Variants in RIMS1 observed in about 807,000 individuals in gnomAD.
RIMS1 encodes the protein regulating synaptic membrane exocytosis protein 1.
Under a neutral mutation model 214.1 loss-of-function variants are expected in RIMS1, and 83 were observed. The ratio of observed to expected loss-of-function variants is 0.39; its 90% CI spans 0.32 to 0.47. The LOEUF is 0.47. Among genes scored for constraint, RIMS1 ranks in the 20% least tolerant of loss-of-function variants. The pLI is 0.99. For synonymous variants in RIMS1, 793 were observed against 786.8 expected (o/e 1.01, Z -0.13); for missense variants, 2,050 against 2,161.8 (o/e 0.95, Z 1.03).
At chr6:72,130,271 G>C (rs1469789370) in intron 4 of RIMS1, among the ~76,000 whole-genome samples, 1 of 152,028 alleles carries the variant, frequency 6.6e-6, no homozygotes, top group African/African-American at 2.4e-5. Context: ...TGTGGTGTAA[G>C]CCATTCCCAG....
rs954313424 is a variant in RIMS1 at position 72,333,706 on chromosome 6, G to A, written c.4237G>A (p.Gly1413Ser). 6 of 1,595,782 alleles carry A rather than the reference G, an allele frequency of 3.8e-6. No homozygotes were observed. The highest frequency in any genetic ancestry group is 2.3e-5 in the East Asian group (1 of 43,828). ...GATGTACACACTGGAGCATAATGACGGCAGCCAGTCAGACACAGCTGTGGG... is the reference window on the plus strand; with the variant it reads ...GATGTACACACTGGAGCATAATGACAGCAGCCAGTCAGACACAGCTGTGGG... ...GEMYTLEHND[G>S]SQSDTAVGTV... The change falls in exon 29 of 34, where the codon GGC (glycine) becomes AGC (serine). Residue 1413 changes from glycine (G) to serine (S), a missense_variant. Physicochemically the swap from Gly to Ser is moderately conservative, Grantham distance 56. Around this residue, in one of 6 missense-constraint regions of RIMS1, gnomAD observed 889 missense variants for 885.5 expected, o/e 1.00. Coordinates refer to ENST00000521978, the MANE Select transcript of RIMS1 (RefSeq NM_014989.7).
rs116104410 is a variant in RIMS1, at chr6:72,229,604, A to G, written c.1679-4169A>G. On this transcript the variant is annotated intron_variant, in intron 6 of 33. Coordinates refer to ENST00000521978, the MANE Select transcript of RIMS1 (RefSeq NM_014989.7). ...TATTTATCCCAAAGTTAGCTCCTCT[A>G]TTATGTATAATTTAGGGTAAGTGGA... 5.7e-3 allele frequency among the ~76,000 whole-genome samples: 863 copies of G among 151,882 alleles called. 7 individuals carry two copies. The highest frequency in any genetic ancestry group is 0.02 in the Middle Eastern group (6 of 294).
chr6:71,943,469 A>T (rs1786814064), intron 1 of RIMS1, among the ~76,000 whole-genome samples: 1 of 152,168 alleles, frequency 6.6e-6, no homozygotes, highest in South Asian at 2.1e-4. Flanking sequence ...TTCAACATGG[A>T]TGAGGAACCA....
chr6:71,902,446 A>G (rs903281560), intron 1 of RIMS1, among the ~76,000 whole-genome samples: 1 of 152,108 alleles, frequency 6.6e-6, no homozygotes, highest in East Asian at 1.9e-4. Flanking sequence ...ATGAGACACA[A>G]AAAGAAGAGT....
intron 1 of RIMS1, among the ~76,000 whole-genome samples, chr6:71,944,505 A>C (rs1370155908): frequency 1.3e-5 from 2 of 152,134 alleles, no homozygotes; most frequent in Non-Finnish European, 2.9e-5. Flanking sequence ...GTTGAGGAAG[A>C]TGGAGTAATA....
At chr6:72,359,238 G>T (rs1172736789) in intron 29 of RIMS1, among the ~76,000 whole-genome samples, 1 of 152,168 alleles carries the variant, frequency 6.6e-6, no homozygotes, top group Non-Finnish European at 1.5e-5. Context: ...TCTCCAGAAA[G>T]AATTCTTTAT....
chr6:72,153,412 C>T (rs1354580520), intron 4 of RIMS1, among the ~76,000 whole-genome samples: 2 of 151,782 alleles, frequency 1.3e-5, no homozygotes, highest in Admixed American at 6.6e-5. Context: ...ATATTTTAAA[C>T]CTTAAACAAT....
rs1484352047 is a variant in RIMS1 at position 72,251,269 on chromosome 6, C to T, written c.2599C>T (p.Leu867Phe). The T allele has an allele frequency of 1.3e-6, 2 of 1,598,608 alleles. No individual in the cohort carries two copies. Among genetic ancestry groups the T allele is most frequent in the African/African-American group, 2.7e-5 (2 of 74,680 alleles). The change falls in exon 15 of 34, where the codon CTT becomes TTT. Residue 867 changes from leucine (L) to phenylalanine (F), a missense_variant. By Grantham distance (22) the Leu-to-Phe change is conservative. This residue lies in a region of RIMS1 where 889 missense variants were observed against 885.5 expected (regional missense o/e 1.00). Coordinates refer to ENST00000521978, the MANE Select transcript of RIMS1 (RefSeq NM_014989.7). ...AGATGATGAACCGCATTGGTATAAA[C>T]TTCAGACACATGATGAGTCTTCACT... The part of the protein sequence containing the change: ...LLDDEPHWYK[L>F]QTHDESSLPL...
intron 1 of RIMS1, among the ~76,000 whole-genome samples, chr6:71,896,193 T>C (rs182015314): frequency 1.2e-3 from 190 of 152,340 alleles, no homozygotes; most frequent in African/African-American, 4.3e-3. Flanking sequence ...TTATTCATGA[T>C]TGTGACAGTT....
At chr6:72,360,647 G>T (rs1289769950) in intron 29 of RIMS1, among the ~76,000 whole-genome samples, 1 of 150,554 alleles carries the variant, frequency 6.6e-6, no homozygotes. Flanking sequence ...ACATGTATAT[G>T]TGTGTATATG....
intron 29 of RIMS1, among the ~76,000 whole-genome samples, chr6:72,367,041 A>G (rs1564573046): frequency 6.6e-6 from 1 of 152,200 alleles, no homozygotes; most frequent in Non-Finnish European, 1.5e-5. Flanking sequence ...ATTAAATGAA[A>G]ATGAAAAAAC....
At chr6:72,394,004 G>A (rs1192599861) in intron 31 of RIMS1, among the ~76,000 whole-genome samples, 1 of 145,944 alleles carries the variant, frequency 6.9e-6, no homozygotes, top group Admixed American at 6.9e-5. Flanking sequence ...CGAACTAAAC[G>A]ACTTTTCAAA....
intron 6 of RIMS1, among the ~76,000 whole-genome samples, chr6:72,198,342 C>G (rs866486672): frequency 6.7e-6 from 1 of 149,136 alleles, no homozygotes; most frequent in African/African-American, 2.6e-5. Flanking sequence ...TAATAATCAT[C>G]ATCATCATCT....
At position 72,388,290 on chromosome 6, in the gene RIMS1, T is replaced by TA. The variant is rs2098646308; in HGVS notation, c.4367-2302dup. 3.3e-5 allele frequency among the ~76,000 whole-genome samples: 5 copies of TA among 151,872 alleles called. No homozygotes were observed. The East Asian group carries it at 9.7e-4, about 29-fold the overall frequency. The stretch of plus-strand genomic sequence containing the variant: ...GAAAGTCAGAAGAGACAAACAGAAG[T>TA]AAAAAAGGCCCAGAAGCAGCATGCT... On this transcript the variant is annotated intron_variant, in intron 29 of 33. Transcript: ENST00000521978.
intron 6 of RIMS1, among the ~76,000 whole-genome samples, chr6:72,194,252 A>G (rs72942727): frequency 0.18 from 27,732 of 152,130 alleles, 3,075 homozygotes; most frequent in Non-Finnish European, 0.25. Flanking sequence ...AAAGAATAGT[A>G]TGTCATTTTT....
chr6:72,174,115 G>T (rs764164578), intron 4 of RIMS1, among the ~76,000 whole-genome samples: 2 of 151,974 alleles, frequency 1.3e-5, no homozygotes, highest in African/African-American at 4.8e-5. Context: ...TCTTGGTTAC[G>T]GCCCTCCTCC....
intron 27 of RIMS1, 149 bp from the exon 28 acceptor site, chr6:72,313,357 G>C: frequency 1.7e-6 from 1 of 582,732 alleles, no homozygotes; most frequent in South Asian, 2.9e-5. Flanking sequence ...GAAATCATAT[G>C]GTAGTATTTG....
intron 6 of RIMS1, among the ~76,000 whole-genome samples, chr6:72,187,473 C>CTTTT (rs1186605595): frequency 4.5e-5 from 4 of 88,632 alleles, no homozygotes; most frequent in Admixed American, 1.2e-4. Context: ...TCCAGATATC[C>CTTTT]TTTTTGTTTT....
intron 4 of RIMS1, among the ~76,000 whole-genome samples, chr6:72,135,413 C>T (rs935130958): frequency 3.9e-5 from 6 of 152,162 alleles, no homozygotes; most frequent in Admixed American, 3.3e-4. Context: ...ATTCACCTCA[C>T]CTCCCAACAC....
Sources: gnomAD v4.1 joint callset for allele counts (sites outside exome capture counted in the v4.1 genomes callset) on GRCh38, gnomAD v4.1.1 for gene constraint, gnomAD v4.1.1 regional missense constraint, MANE v1.5 for transcripts, NCBI Gene and HGNC (gene_info 2026-07-23, HGNC 2026-07-21) for gene names.